TGS1: variants seen among roughly 807,000 people sequenced by gnomAD.
The protein encoded by TGS1 is trimethylguanosine synthase.
In TGS1, 69 loss-of-function variants were observed where a neutral mutation model predicts 92.2. That is an observed-to-expected ratio of 0.75 (90% confidence interval 0.62 to 0.91). The LOEUF (loss-of-function observed/expected upper bound fraction) is 0.91. Ranked by LOEUF, TGS1 falls within the 40% of genes least tolerant of loss-of-function variation. The pLI is 0.00. For missense variants in TGS1, 1,062 were observed against 1,001.2 expected (o/e 1.06, Z -0.82); for synonymous variants, 345 against 338.1 (o/e 1.02, Z -0.22).
chr8:55,807,073 C>T (rs1319546769), intron 10 of TGS1, among the ~76,000 whole-genome samples: 6 of 151,882 alleles, frequency 4.0e-5, no homozygotes, highest in African/African-American at 7.3e-5. Context: ...GGACTACAGG[C>T]GCCCACCACC....
Position 55,802,453 on chromosome 8 carries a change from T to C in TGS1, c.1850-4T>C. ...GCATCTATATTCTTTGTATTTTATT[T>C]TAGCTGAAGTGAAAAAGAAGAAGAA... On this transcript the variant is annotated splice_polypyrimidine_tract_variant and splice_region_variant and intron_variant, in intron 8 of 12. Transcript: ENST00000260129. 1 of 1,611,804 alleles carries C rather than the reference T, an allele frequency of 6.2e-7. No individual in the cohort carries two copies. Among genetic ancestry groups the C allele is most frequent in the Admixed American group, 1.7e-5 (1 of 59,640 alleles).
intron 12 of TGS1, among the ~76,000 whole-genome samples, chr8:55,814,464 G>A (rs545818087): frequency 3.3e-5 from 5 of 151,812 alleles, no homozygotes; most frequent in South Asian, 2.1e-4. Flanking sequence ...CCTTTCATCC[G>A]TTTATGATCC....
chr8:55,795,908 T>G (rs1266374135), intron 6 of TGS1, 70 bp from the exon 7 acceptor site: 33 of 1,177,826 alleles, frequency 2.8e-5, no homozygotes, highest in South Asian at 2.7e-4. Context: ...GTTAGTTTCA[T>G]CCTCTTTTCC....
intron 8 of TGS1, among the ~76,000 whole-genome samples, chr8:55,801,445 AT>A (rs33910297): frequency 0.15 from 22,634 of 147,894 alleles, 1,975 homozygotes; most frequent in African/African-American, 0.25. Context: ...TAATTTTTGT[AT>A]TTTTTTTTAG....
At position 55,804,979 on chromosome 8, in the gene TGS1, G is replaced by GA. The variant is rs1378860671; in HGVS notation, c.2087dup (p.Asp696GlufsTer24). Reference sequence around the variant, plus strand: ...GTCCTTCAAGTGTGACGTTGTAGTAGACGCATTCTGTGGAGTTGGAGGAAA... The same window carrying GA: ...GTCCTTCAAGTGTGACGTTGTAGTAGAACGCATTCTGTGGAGTTGGAGGAAA... On this transcript the variant is annotated frameshift_variant, in exon 10 of 13. Coordinates refer to ENST00000260129, the MANE Select transcript of TGS1 (RefSeq NM_024831.8). LOFTEE classifies it high-confidence loss of function. 6.2e-7 allele frequency: 1 copy of GA among 1,613,934 alleles called. No homozygotes were observed. Among genetic ancestry groups the GA allele is most frequent in the Non-Finnish European group, 8.5e-7 (1 of 1,180,002 alleles).
Position 55,824,998 on chromosome 8 carries a change from TG to T in TGS1, c.*296del. On this transcript the variant is annotated 3_prime_UTR_variant, in exon 13 of 13. Coordinates refer to ENST00000260129, the MANE Select transcript of TGS1 (RefSeq NM_024831.8). ...GTGCAGTGCCATGATCACAGCTCACTGCAGGTTCAGCCTTCTGAGTTCAAGC... is the reference window on the plus strand; with the variant it reads ...GTGCAGTGCCATGATCACAGCTCACTCAGGTTCAGCCTTCTGAGTTCAAGC... 1 of 238,000 alleles carries T rather than the reference TG, an allele frequency of 4.2e-6. No homozygotes were observed. Among genetic ancestry groups the T allele is most frequent in the South Asian group, 5.8e-5 (1 of 17,298 alleles). The allele number at this position is 238,000 out of a possible 1,614,324, so 14.7% of individuals were successfully genotyped here. A position where few individuals can be genotyped will look rare whatever the true frequency, so the allele number is the denominator to read the frequency against.
chr8:55,792,889 G>A, intron 6 of TGS1, 105 bp downstream of exon 6: 1 of 727,532 alleles, frequency 1.4e-6, no homozygotes, highest in Admixed American at 2.3e-5. Flanking sequence ...GTGTTGAGAT[G>A]TTATCATTAA....
chr8:55,784,067 C>T (rs1439818387), intron 2 of TGS1, among the ~76,000 whole-genome samples: 4 of 152,184 alleles, frequency 2.6e-5, no homozygotes, highest in Non-Finnish European at 5.9e-5. Flanking sequence ...TTCTCTTTAT[C>T]AGTCTTCATT....
At chr8:55,822,680 C>CT (rs1803682539) in intron 12 of TGS1, among the ~76,000 whole-genome samples, 2 of 150,356 alleles carry the variant, frequency 1.3e-5, no homozygotes, top group South Asian at 4.2e-4. Context: ...TCTAGTTTTA[C>CT]TTTAAGTATT....
At chr8:55,812,736 T>C (rs566840162) in intron 11 of TGS1, among the ~76,000 whole-genome samples, 1 of 152,036 alleles carries the variant, frequency 6.6e-6, no homozygotes, top group Non-Finnish European at 1.5e-5. Context: ...AAATTAAAAA[T>C]TAAAAAATAA....
chr8:55,818,245 A>C (rs1803538418), intron 12 of TGS1, among the ~76,000 whole-genome samples: 1 of 152,076 alleles, frequency 6.6e-6, no homozygotes, highest in African/African-American at 2.4e-5. Context: ...TGGTGTGATC[A>C]CTGCTCTCTG....
rs1299563507 is a variant in TGS1 at position 55,790,261 on chromosome 8, A to C, written c.1242A>C (p.Glu414Asp). The C allele has an allele frequency of 1.2e-6, 2 of 1,613,990 alleles. No homozygotes were observed. The highest frequency in any genetic ancestry group is 1.3e-5 in the African/African-American group (1 of 74,928). Residue 414 changes from glutamate (E) to aspartate (D), a missense_variant, in exon 5 of 13, where the codon GAA (glutamate) becomes GAC (aspartate). By Grantham distance (45) the Glu-to-Asp change is conservative. Coordinates refer to ENST00000260129, the MANE Select transcript of TGS1 (RefSeq NM_024831.8). Reference sequence around the variant, plus strand: ...GTACTGATGGAGATGAAAGTGAGGAAGACCCACCTGAGCATAAGCCAAGCA... The same window carrying C: ...GTACTGATGGAGATGAAAGTGAGGACGACCCACCTGAGCATAAGCCAAGCA... ...ASGTDGDESE[E>D]DPPEHKPSKL... is the part of the protein sequence containing the mutation.
At chr8:55,793,216 TAAC>T (rs1245959944) in intron 6 of TGS1, among the ~76,000 whole-genome samples, 1 of 152,166 alleles carries the variant, frequency 6.6e-6, no homozygotes, top group African/African-American at 2.4e-5. Context: ...ACAAACCAAA[TAAC>T]AAGTAAAAAG....
In TGS1 at chr8:55,813,040, C is replaced by T. The variant is rs1473081947; in HGVS notation, c.2361C>T (p.Gly787=). 4 of 1,602,786 alleles carry T rather than the reference C, an allele frequency of 2.5e-6. No individual in the cohort carries two copies. The highest frequency in any genetic ancestry group is 3.4e-6 in the Non-Finnish European group (4 of 1,171,114). The part of the protein sequence containing the change: ...FDIRTMMSPD[G]FEIFRLSKKI... ...TTATTTTTCCTTAACTGCTGTCCACCTTTGAAATTTTCAGACTTTCTAAGA... is the reference window on the plus strand; with the variant it reads ...TTATTTTTCCTTAACTGCTGTCCACTTTTGAAATTTTCAGACTTTCTAAGA... The change falls in exon 12 of 13, where the codon GGC becomes GGT. Residue 787 remains glycine, a splice_region_variant and synonymous_variant. Coordinates refer to ENST00000260129, the MANE Select transcript of TGS1 (RefSeq NM_024831.8).
At chr8:55,790,327 G>C (rs1811844188) in intron 5 of TGS1, 28 bp downstream of exon 5, 2 of 1,437,568 alleles carry the variant, frequency 1.4e-6, no homozygotes, top group South Asian at 2.3e-5. Flanking sequence ...CCTCTCACCA[G>C]AGCGTGTTAG....
Position 55,786,536 on chromosome 8 carries a change from G to T in TGS1, c.638G>T (p.Ser213Ile). The T allele has an allele frequency of 6.2e-7, 1 of 1,614,166 alleles. No homozygotes were observed. The highest frequency in any genetic ancestry group is 1.6e-4 in the Middle Eastern group (1 of 6,062). Residue 213 changes from serine (S) to isoleucine (I), a missense_variant, in exon 4 of 13, where the codon AGT becomes ATT. Coordinates refer to ENST00000260129, the MANE Select transcript of TGS1 (RefSeq NM_024831.8). ...TATGGAGGAGGACTATTGTGGCAAAGTTGGCAAGAAAAACATCCGGGTCAA... is the reference window on the plus strand; with the variant it reads ...TATGGAGGAGGACTATTGTGGCAAATTTGGCAAGAAAAACATCCGGGTCAA... Reference protein sequence around the residue: ...NEYGGGLLWQSWQEKHPGQAL... With the variant: ...NEYGGGLLWQIWQEKHPGQAL...
At chr8:55,814,219 ATT>A (rs1162118604) in intron 12 of TGS1, among the ~76,000 whole-genome samples, 1 of 152,102 alleles carries the variant, frequency 6.6e-6, no homozygotes, top group African/African-American at 2.4e-5. Flanking sequence ...AAGTGCTGGG[ATT>A]ATAGGTGTGA....
rs1018260805 is a variant in TGS1 at position 55,801,425 on chromosome 8, C to T, written c.1850-1032C>T. ...AGCTGGGATTAGAGGCACCTGCCACCGTGCCCAGCTAATTTTTGTATTTTT... is the reference window on the plus strand; with the variant it reads ...AGCTGGGATTAGAGGCACCTGCCACTGTGCCCAGCTAATTTTTGTATTTTT... On this transcript the variant is annotated intron_variant, in intron 8 of 12. Coordinates refer to ENST00000260129, the MANE Select transcript of TGS1 (RefSeq NM_024831.8). 1.2e-4 allele frequency among the ~76,000 whole-genome samples: 18 copies of T among 149,886 alleles called. 1 individual carries two copies. Among genetic ancestry groups the T allele is most frequent in the African/African-American group, 2.0e-4 (8 of 40,228 alleles).
chr8:55,815,464 AAATT>A (rs1281015374), intron 12 of TGS1, among the ~76,000 whole-genome samples: 2 of 152,214 alleles, frequency 1.3e-5, no homozygotes, highest in African/African-American at 2.4e-5. Context: ...GTTGCAAAGA[AAATT>A]AACTTTTTTT....
Sources: allele counts gnomAD v4.1 joint callset (sites outside exome capture counted in the v4.1 genomes callset), GRCh38; gene constraint gnomAD v4.1.1; transcripts MANE v1.5; gene names NCBI Gene and HGNC (gene_info 2026-07-23, HGNC 2026-07-21).